The following CLIP4 variants were observed in gnomAD, a reference collection of about 807,000 sequenced individuals.
CLIP4 encodes the protein CAP-Gly domain containing linker protein family member 4, also known as CAP-Gly domain-containing linker protein 4.
Under a neutral mutation model 73.1 loss-of-function variants are expected in CLIP4, and 47 were observed. The ratio of observed to expected loss-of-function variants is 0.64; its 90% CI spans 0.51 to 0.82. The LOEUF is 0.82. Among genes scored for constraint, CLIP4 ranks in the 40% least tolerant of loss-of-function variants. CLIP4 has a pLI of 0.00. For synonymous variants in CLIP4, 306 were observed against 295.4 expected, an observed-to-expected ratio of 1.04 and a Z score of -0.37; for missense variants, 874 against 852.9, an observed-to-expected ratio of 1.02 and a Z score of -0.31.
chr2:29,104,684 G>A (rs780798758), intron 1 of CLIP4, among the ~76,000 whole-genome samples: 2 of 152,046 alleles, frequency 1.3e-5, no homozygotes, highest in Non-Finnish European at 2.9e-5. Flanking sequence ...GTATGACGAA[G>A]CCTTTGCAAT....
intron 6 of CLIP4, 121 bp from the exon 7 acceptor site, chr2:29,143,588 A>G (rs1665934897): frequency 1.4e-6 from 1 of 717,384 alleles, no homozygotes; most frequent in Admixed American, 2.3e-5. Flanking sequence ...CGTTCAGGAA[A>G]TGTTTTTGAA....
intron 2 of CLIP4, among the ~76,000 whole-genome samples, chr2:29,129,788 C>T (rs528493387): frequency 6.6e-6 from 1 of 152,222 alleles, no homozygotes; most frequent in African/African-American, 2.4e-5. Context: ...CAAAGGCAGA[C>T]TATCTTACCT....
At chr2:29,157,528 A>C (rs1381175941) in intron 11 of CLIP4, 181 bp downstream of exon 11, 1 of 808,908 alleles carries the variant, frequency 1.2e-6, no homozygotes, top group African/African-American at 1.7e-5. Flanking sequence ...TTGCCGTCTC[A>C]GATATAAGAC....
chr2:29,131,641 A>G (rs1664977080), intron 3 of CLIP4: 2 of 336,504 alleles, frequency 5.9e-6, no homozygotes, highest in Non-Finnish European at 1.1e-5. Context: ...GGCATTTTTC[A>G]TATTTCCTTC....
intron 6 of CLIP4, among the ~76,000 whole-genome samples, chr2:29,141,893 T>A (rs1356653331): frequency 6.6e-6 from 1 of 152,150 alleles, no homozygotes; most frequent in Non-Finnish European, 1.5e-5. Context: ...GTGTAGTTGC[T>A]TTTATGGAGT....
upstream of CLIP4, among the ~76,000 whole-genome samples, chr2:29,111,270 T>G (rs887792127): frequency 6.6e-6 from 1 of 152,214 alleles, no homozygotes; most frequent in Non-Finnish European, 1.5e-5. Flanking sequence ...GCCATGCTGG[T>G]GGGTGAAGCA....
intron 9 of CLIP4, among the ~76,000 whole-genome samples, chr2:29,155,729 A>T (rs1415845990): frequency 2.6e-5 from 4 of 152,198 alleles, no homozygotes; most frequent in Admixed American, 1.3e-4. Flanking sequence ...TCATGCTTGG[A>T]CTATGCTAAT....
In CLIP4 at chr2:29,145,272, G is replaced by T; in HGVS notation, c.926G>T (p.Ser309Ile). The change falls in exon 8 of 16, where the codon AGT becomes ATT. Residue 309 changes from serine to isoleucine, a missense_variant. Ser to Ile is a moderately radical substitution (Grantham distance 142, BLOSUM62 -2). Coordinates refer to ENST00000320081, the MANE Select transcript of CLIP4 (RefSeq NM_024692.6). ...TTTTGTGGAACAACTGAATTTGCAA[G>T]TGGGCAGTGGGCTGGCATTGAACTG... ...LRFCGTTEFA[S>I]GQWAGIELDE... The T allele has an allele frequency of 6.2e-7, 1 of 1,613,722 alleles. No individual in the cohort carries two copies. Among genetic ancestry groups the T allele is most frequent in the Non-Finnish European group, 8.5e-7 (1 of 1,179,776 alleles).
At chr2:29,158,611 C>T (rs1046684208) in intron 11 of CLIP4, among the ~76,000 whole-genome samples, 2 of 151,946 alleles carry the variant, frequency 1.3e-5, no homozygotes, top group Admixed American at 6.6e-5. Flanking sequence ...GTAGATATTC[C>T]ACTTGTTTTA....
intron 4 of CLIP4, 27 bp downstream of exon 4, chr2:29,132,272 G>A (rs937131653): frequency 1.9e-6 from 3 of 1,552,314 alleles, no homozygotes; most frequent in Non-Finnish European, 2.7e-6. Context: ...TCTATCAGTT[G>A]CTTATGTCAT....
intron 14 of CLIP4, among the ~76,000 whole-genome samples, chr2:29,170,955 A>G (rs1217452052): frequency 2.0e-5 from 3 of 151,848 alleles, no homozygotes; most frequent in African/African-American, 4.8e-5. Context: ...TCATTGATCT[A>G]TTTGTCTCAT....
chr2:29,162,206 A>T (rs1007622884), intron 12 of CLIP4, among the ~76,000 whole-genome samples: 30 of 152,158 alleles, frequency 2.0e-4, no homozygotes, highest in African/African-American at 7.2e-4. Context: ...TCAGTTTTTA[A>T]ATTCCTAATG....
chr2:29,159,771 T>C (rs1174951763), intron 11 of CLIP4, among the ~76,000 whole-genome samples: 1 of 152,050 alleles, frequency 6.6e-6, no homozygotes, highest in Non-Finnish European at 1.5e-5. Flanking sequence ...ATACTATAAT[T>C]CTAGTATTTT....
At chr2:29,135,722 C>G (rs1359483151) in intron 6 of CLIP4, 56 bp downstream of exon 6, 1 of 1,268,292 alleles carries the variant, frequency 7.9e-7, no homozygotes, top group Non-Finnish European at 1.1e-6. Flanking sequence ...ATCTTACTTT[C>G]TGGTAAAATG....
At chr2:29,146,270 T>G (rs978048817) in intron 8 of CLIP4, among the ~76,000 whole-genome samples, 14 of 152,282 alleles carry the variant, frequency 9.2e-5, no homozygotes, top group African/African-American at 3.4e-4. Context: ...CCTCAAATCC[T>G]GCACCTAGTA....
chr2:29,165,676 A>G (rs1667563609), intron 13 of CLIP4, among the ~76,000 whole-genome samples: 1 of 152,098 alleles, frequency 6.6e-6, no homozygotes, highest in Admixed American at 6.6e-5. Flanking sequence ...GTCTCTTACA[A>G]GTTTTGTTTG....
Position 29,156,337 on chromosome 2 carries a change from T to C in CLIP4, c.1166-17T>C, listed in dbSNP as rs192619451. On this transcript the variant is annotated splice_polypyrimidine_tract_variant and intron_variant, in intron 9 of 15. Transcript: ENST00000320081. ...TGTTAAAATTCTTGCTTAAAGTGTT[T>C]TATTTTTGTGTCCAAGGATTAATGA... 1 of 1,539,656 alleles carries C rather than the reference T, an allele frequency of 6.5e-7. No individual in the cohort carries two copies. Among genetic ancestry groups the C allele is most frequent in the Admixed American group, 2.4e-5 (1 of 42,376 alleles).
At chr2:29,160,936 C>G (rs959068949) in intron 12 of CLIP4, among the ~76,000 whole-genome samples, 1 of 152,050 alleles carries the variant, frequency 6.6e-6, no homozygotes, top group Non-Finnish European at 1.5e-5. Flanking sequence ...ATATTCATTC[C>G]AATCTATACG....
intron 1 of CLIP4, among the ~76,000 whole-genome samples, chr2:29,117,592 G>A (rs1279424957): frequency 1.3e-5 from 2 of 152,240 alleles, no homozygotes; most frequent in African/African-American, 4.8e-5. Context: ...TCGGCCTCCC[G>A]AAGTGTTGGG....
Sources: allele counts gnomAD v4.1 joint callset (sites outside exome capture counted in the v4.1 genomes callset), GRCh38; gene constraint gnomAD v4.1.1; transcripts MANE v1.5; gene names NCBI Gene and HGNC (gene_info 2026-07-23, HGNC 2026-07-21).